The following ABLIM2 variants were observed in gnomAD, a reference collection of about 807,000 sequenced individuals.
ABLIM2 encodes the protein actin-binding LIM protein 2.
ABLIM2 carries 53 observed loss-of-function variants against 97.7 expected under a neutral mutation model. The observed-to-expected ratio is 0.54, with a 90% CI of 0.44 to 0.68. ABLIM2 has a LOEUF of 0.68. Among genes scored for constraint, ABLIM2 ranks in the 30% least tolerant of loss-of-function variants. The probability of loss-of-function intolerance (pLI) is 0.00; values close to 1 mark genes in which losing one functional copy is unlikely to be tolerated. For synonymous variants in ABLIM2, 361 were observed against 345.8 expected (o/e 1.04, Z -0.49); for missense variants, 835 against 867.2 (o/e 0.96, Z 0.47).
At chr4:8,038,730 G>A (rs1024282015) in intron 9 of ABLIM2, among the ~76,000 whole-genome samples, 1 of 152,120 alleles carries the variant, frequency 6.6e-6, no homozygotes, top group African/African-American at 2.4e-5. Context: ...TTGGAGCCTG[G>A]GGCAGGGTTC....
chr4:8,133,934 C>A (rs903102709), intron 1 of ABLIM2, among the ~76,000 whole-genome samples: 1 of 152,094 alleles, frequency 6.6e-6, no homozygotes, highest in African/African-American at 2.4e-5. Context: ...GGCACCAGAG[C>A]AAGGCACGTG....
chr4:8,014,492 G>A (rs1169175557), intron 14 of ABLIM2, among the ~76,000 whole-genome samples: 2 of 152,250 alleles, frequency 1.3e-5, no homozygotes, highest in African/African-American at 4.8e-5. Flanking sequence ...GAATGTGTGT[G>A]TGTGTGTATG....
At position 8,155,816 on chromosome 4, in the gene ABLIM2, C is replaced by T. The variant is rs1463361970; in HGVS notation, c.10+2864G>A. 1.3e-5 allele frequency among the ~76,000 whole-genome samples: 2 copies of T among 150,942 alleles called. No individual in the cohort carries two copies. The highest frequency in any genetic ancestry group is 3.0e-5 in the Non-Finnish European group (2 of 67,616). On this transcript the variant is annotated intron_variant, in intron 1 of 20. Transcript: ENST00000447017. The surrounding 1 kb of genome is among the most constrained non-coding windows in gnomAD (Gnocchi z 4.2). ...GGAAGACGGGGCGAGGACACAGACACACACAAAGGGAAGACGGGGCGAGGA... is the reference window on the plus strand; with the variant it reads ...GGAAGACGGGGCGAGGACACAGACATACACAAAGGGAAGACGGGGCGAGGA...
At chr4:8,077,585 G>T in intron 6 of ABLIM2, 43 bp downstream of exon 6, 3 of 1,538,936 alleles carry the variant, frequency 1.9e-6, no homozygotes, top group Non-Finnish European at 2.7e-6. Context: ...GGGCAGTTAG[G>T]CCCTAGCTCA....
chr4:8,036,045 G>T, intron 10 of ABLIM2, 104 bp downstream of exon 10: 2 of 1,376,530 alleles, frequency 1.5e-6, no homozygotes, highest in Non-Finnish European at 2.0e-6. Flanking sequence ...GGTGAAGATG[G>T]AAGTGGCTCT....
Position 8,061,173 on chromosome 4 carries a change from GC to G in ABLIM2, c.676-120del. On this transcript the variant is annotated intron_variant, in intron 6 of 20. Transcript: ENST00000447017. The surrounding 1 kb of genome is among the most constrained non-coding windows in gnomAD (Gnocchi z 4.5). ...CAGGTACTCAGGGGATACTGGAAGGGCCAGCCCCCACCATCGGGACCCAAGA... is the reference window on the plus strand; with the variant it reads ...CAGGTACTCAGGGGATACTGGAAGGGCAGCCCCCACCATCGGGACCCAAGA... 1 of 857,618 alleles carries G rather than the reference GC, an allele frequency of 1.2e-6. No individual in the cohort carries two copies. Among genetic ancestry groups the G allele is most frequent in the Non-Finnish European group, 1.8e-6 (1 of 549,156 alleles). 53.1% of individuals were successfully genotyped at this position (857,618 alleles called of 1,614,324 possible). A position where few individuals can be genotyped will look rare whatever the true frequency, so the allele number is the denominator to read the frequency against.
rs779950809 is a variant in ABLIM2, at chr4:8,127,558, C to G, written c.11-20921G>C. ...GTTTGGGGATTTACCTGTGTCTCCC[C>G]CTGGCACCCCCATGGAGCGTGGCTG... is the stretch of plus-strand genomic sequence containing the variant. On this transcript the variant is annotated intron_variant, in intron 1 of 20. Transcript: ENST00000447017. This position sits in a 1 kb window ranked among gnomAD's most constrained non-coding sequence, Gnocchi z 7.3. The G allele has an allele frequency of 2.2e-5, 28 of 1,289,672 alleles. No individual in the cohort carries two copies. The highest frequency in any genetic ancestry group is 7.6e-5 in the African/African-American group (5 of 65,864). The allele number at this position is 1,289,672 out of a possible 1,614,324, so 79.9% of individuals were successfully genotyped here.
At position 8,127,820 on chromosome 4, in the gene ABLIM2, C is replaced by T. The variant is rs559307563; in HGVS notation, c.11-21183G>A. On this transcript the variant is annotated intron_variant, in intron 1 of 20. Coordinates refer to ENST00000447017, the MANE Select transcript of ABLIM2 (RefSeq NM_001130083.2). The surrounding 1 kb of genome is among the most constrained non-coding windows in gnomAD (Gnocchi z 7.3). The stretch of plus-strand genomic sequence containing the variant: ...GAGACACACCTGTCTCCCAGGCATC[C>T]GGGAAAGGGGCTCTGAAAAGGCACT... The T allele has an allele frequency of 8.2e-5, 40 of 485,702 alleles. No individual in the cohort carries two copies. The highest frequency in any genetic ancestry group is 3.7e-4 in the South Asian group (4 of 10,670). The allele number at this position is 485,702 out of a possible 1,614,324, so 30.1% of individuals were successfully genotyped here. A position where few individuals can be genotyped will look rare whatever the true frequency, so the allele number is the denominator to read the frequency against.
In ABLIM2 at chr4:8,022,509, C is replaced by A. The variant is rs531722930; in HGVS notation, c.1268-2206G>T. Among the ~76,000 whole-genome samples, 1 of 152,228 alleles carries A rather than the reference C, an allele frequency of 6.6e-6. No individual in the cohort carries two copies. Among genetic ancestry groups the A allele is most frequent in the Non-Finnish European group, 1.5e-5 (1 of 68,036 alleles). On this transcript the variant is annotated intron_variant, in intron 12 of 20. Coordinates refer to ENST00000447017, the MANE Select transcript of ABLIM2 (RefSeq NM_001130083.2). The surrounding 1 kb of genome is among the most constrained non-coding windows in gnomAD (Gnocchi z 7.8). ...GCCATGTTGGCCCACCTCATTCTGG[C>A]CCCCCAGGGCCCTCTAACACCAGCC...
intron 1 of ABLIM2, among the ~76,000 whole-genome samples, chr4:8,152,226 G>A (rs1578559159): frequency 6.6e-6 from 1 of 152,204 alleles, no homozygotes; most frequent in Non-Finnish European, 1.5e-5. Flanking sequence ...GCTAAAGCAC[G>A]CAGGCAGGGG....
rs1256521648 is a variant in ABLIM2 at position 8,123,345 on chromosome 4, A to G, written c.11-16708T>C. Among the ~76,000 whole-genome samples the G allele has an allele frequency of 1.3e-5, 2 of 152,210 alleles. No homozygotes were observed. The highest frequency in any genetic ancestry group is 4.8e-5 in the African/African-American group (2 of 41,448). ...AGGGAACCCCATCTCAGAGATGCTC[A>G]GTAACCTGTCTAGATCACACAGCCT... On this transcript the variant is annotated intron_variant, in intron 1 of 20. Transcript: ENST00000447017. This position sits in a 1 kb window ranked among gnomAD's most constrained non-coding sequence, Gnocchi z 6.2.
At position 8,020,353 on chromosome 4, in the gene ABLIM2, A is replaced by C. The variant is rs573592370; in HGVS notation, c.1268-50T>G. Reference sequence around the variant, plus strand: ...CAGATAGAAGGGGAAACGGGAAAGCAAAGTAGAATATTTCAAGCATGAAAA... The same window carrying C: ...CAGATAGAAGGGGAAACGGGAAAGCCAAGTAGAATATTTCAAGCATGAAAA... On this transcript the variant is annotated intron_variant, in intron 12 of 20. Coordinates refer to ENST00000447017, the MANE Select transcript of ABLIM2 (RefSeq NM_001130083.2). The C allele has an allele frequency of 1.9e-5, 29 of 1,489,092 alleles. No homozygotes were observed. In the Admixed American group the frequency reaches 2.3e-4, roughly 12 times the overall value. The allele number at this position is 1,489,092 out of a possible 1,614,324, so 92.2% of individuals were successfully genotyped here.
chr4:8,088,098 A>C, intron 4 of ABLIM2, 71 bp downstream of exon 4: 4 of 143,900 alleles, frequency 2.8e-5, no homozygotes, highest in African/African-American at 9.9e-5. Context: ...CCAACTCAGC[A>C]TACCCACCCA....
At position 7,992,852 on chromosome 4, in the gene ABLIM2, G is replaced by C. The variant is rs2149956436; in HGVS notation, c.1680+14C>G. 1 of 1,611,274 alleles carries C rather than the reference G, an allele frequency of 6.2e-7. No individual in the cohort carries two copies. Among genetic ancestry groups the C allele is most frequent in the East Asian group, 2.2e-5 (1 of 44,852 alleles). ...TCGTTAGTACCCTGTGGCCAGGGAGGGGTCAGTACCTACCCGCTGGTCCAA... is the reference window on the plus strand; with the variant it reads ...TCGTTAGTACCCTGTGGCCAGGGAGCGGTCAGTACCTACCCGCTGGTCCAA... On this transcript the variant is annotated intron_variant, in intron 17 of 20. Transcript: ENST00000447017. The surrounding 1 kb of genome is among the most constrained non-coding windows in gnomAD (Gnocchi z 5.7).
Position 8,127,575 on chromosome 4 carries a change from G to C in ABLIM2, c.11-20938C>G. 4 of 1,289,790 alleles carry C rather than the reference G, an allele frequency of 3.1e-6. No homozygotes were observed. Among genetic ancestry groups the C allele is most frequent in the Non-Finnish European group, 4.0e-6 (4 of 988,840 alleles). The allele number at this position is 1,289,790 out of a possible 1,614,324, so 79.9% of individuals were successfully genotyped here. A position where few individuals can be genotyped will look rare whatever the true frequency, so the allele number is the denominator to read the frequency against. ...TGTCTCCCCCTGGCACCCCCATGGAGCGTGGCTGCTTGCAAAGGGCCAGCG... is the reference window on the plus strand; with the variant it reads ...TGTCTCCCCCTGGCACCCCCATGGACCGTGGCTGCTTGCAAAGGGCCAGCG... On this transcript the variant is annotated intron_variant, in intron 1 of 20. Transcript: ENST00000447017. This position sits in a 1 kb window ranked among gnomAD's most constrained non-coding sequence, Gnocchi z 7.3.
rs182896008 is a variant in ABLIM2, at chr4:8,116,054, T to G, written c.11-9417A>C. On this transcript the variant is annotated intron_variant, in intron 1 of 20. Coordinates refer to ENST00000447017, the MANE Select transcript of ABLIM2 (RefSeq NM_001130083.2). ...TGTGGAGGATTCTGGCTCCCAGCTC[T>G]TGAGTCACTCTCAGCCTTTGGGTCG... Among the ~76,000 whole-genome samples the G allele has an allele frequency of 1.3e-3, 198 of 152,366 alleles. 3 individuals are homozygous for G. The highest frequency in any genetic ancestry group is 4.5e-3 in the African/African-American group (189 of 41,592).
chr4:7,984,729 C>T (rs1742154682), intron 18 of ABLIM2, 110 bp downstream of exon 18: 2 of 1,245,128 alleles, frequency 1.6e-6, no homozygotes, highest in East Asian at 2.6e-5. Flanking sequence ...GCCCGGCACT[C>T]CCGGAGCCTT....
rs1056292095 is a variant in ABLIM2, at chr4:8,022,253, C to T, written c.1268-1950G>A. ...CCAGGAAGGGCTGGTTTCTTCCTAT[C>T]TGGAATCATGGCCCCTGATCTGCCT... is the stretch of plus-strand genomic sequence containing the variant. On this transcript the variant is annotated intron_variant, in intron 12 of 20. Coordinates refer to ENST00000447017, the MANE Select transcript of ABLIM2 (RefSeq NM_001130083.2). This position sits in a 1 kb window ranked among gnomAD's most constrained non-coding sequence, Gnocchi z 7.8. Among the ~76,000 whole-genome samples the T allele has an allele frequency of 1.3e-5, 2 of 152,190 alleles. No homozygotes were observed. The highest frequency in any genetic ancestry group is 4.1e-4 in the South Asian group (2 of 4,832).
chr4:7,994,712 C>A (rs1480217446), intron 16 of ABLIM2, among the ~76,000 whole-genome samples: 2 of 112,948 alleles, frequency 1.8e-5, no homozygotes, highest in African/African-American at 5.5e-5. Flanking sequence ...TACAGTCCCA[C>A]CAACAGTGTA....
Sources: allele counts gnomAD v4.1 joint callset (sites outside exome capture counted in the v4.1 genomes callset), GRCh38; gene constraint gnomAD v4.1.1; non-coding constraint Gnocchi (gnomAD v3.1); transcripts MANE v1.5; gene names NCBI Gene and HGNC (gene_info 2026-07-23, HGNC 2026-07-21).